The following TPPP2 variants were observed in gnomAD, a reference collection of about 807,000 sequenced individuals.
The protein encoded by TPPP2 is tubulin polymerization-promoting protein family member 2.
A neutral mutation model predicts 13.0 loss-of-function variants in TPPP2; 8 were observed. That is an observed-to-expected ratio of 0.62 (90% CI 0.36 to 1.11). TPPP2 has a LOEUF of 1.11. Ranked by LOEUF, TPPP2 falls within the 50% of genes most tolerant of loss-of-function variation. The pLI, the probability that TPPP2 is intolerant of heterozygous loss-of-function variation, is 0.02. For missense variants in TPPP2, 213 were observed against 216.9 expected (o/e 0.98, Z 0.11); for synonymous variants, 81 against 81.8 (o/e 0.99, Z 0.05).
In TPPP2 at chr14:21,032,093, C is replaced by T. The variant is rs762751285; in HGVS notation, c.*16C>T. The T allele has an allele frequency of 6.2e-7, 1 of 1,608,144 alleles. No individual in the cohort carries two copies. The highest frequency in any genetic ancestry group is 1.7e-5 in the Admixed American group (1 of 59,922). On this transcript the variant is annotated 3_prime_UTR_variant, in exon 4 of 4. Coordinates refer to ENST00000321760, the MANE Select transcript of TPPP2 (RefSeq NM_173846.5). ...GACCAAGTAGAGAGGAGCTTCATCT[C>T]AGCCTGCTAGCCCCCTGACCCTGCA...
chr14:21,033,353 C>T (rs2139087719), downstream of TPPP2: 1 of 281,040 alleles, frequency 3.6e-6, no homozygotes, highest in South Asian at 3.6e-5. Context: ...TAGCCATATC[C>T]CCTGAGTAGG....
upstream of TPPP2, chr14:21,028,569 G>C (rs1457387346): frequency 6.6e-6 from 1 of 152,152 alleles, no homozygotes; most frequent in Non-Finnish European, 1.5e-5. Flanking sequence ...TTGGGGCCTA[G>C]TTAGTTGTAT....
At chr14:21,029,935 C>A (rs576211388), upstream of TPPP2, among the ~76,000 whole-genome samples, 1 of 152,282 alleles carries the variant, frequency 6.6e-6, no homozygotes, top group South Asian at 2.1e-4. Context: ...GCAGCCCAAA[C>A]AGACTACAAC....
upstream of TPPP2, chr14:21,028,472 C>T (rs917387496): frequency 3.9e-5 from 6 of 151,976 alleles, no homozygotes; most frequent in African/African-American, 1.5e-4. Context: ...TGTTGGCCTC[C>T]CAAAGTGCTG....
upstream of TPPP2, chr14:21,029,320 G>A (rs1452529076): frequency 2.6e-5 from 4 of 152,206 alleles, no homozygotes; most frequent in African/African-American, 2.4e-5. Flanking sequence ...CTAACTCCCG[G>A]CTGGACGCAG....
At position 21,030,514 on chromosome 14, in the gene TPPP2, C is replaced by G; in HGVS notation, c.-68C>G. On this transcript the variant is annotated splice_region_variant and 5_prime_UTR_variant, in exon 2 of 4. Coordinates refer to ENST00000321760, the MANE Select transcript of TPPP2 (RefSeq NM_173846.5). ...ACACTCATCCTCATTACTCCACAGT[C>G]CTCCCTCCCCCTTCTCCTTCACCCC... 3.3e-6 allele frequency: 5 copies of G among 1,494,874 alleles called. No homozygotes were observed. Among genetic ancestry groups the G allele is most frequent in the Non-Finnish European group, 3.7e-6 (4 of 1,095,186 alleles). The allele number at this position is 1,494,874 out of a possible 1,614,324, so 92.6% of individuals were successfully genotyped here. A position where few individuals can be genotyped will look rare whatever the true frequency, so the allele number is the denominator to read the frequency against.
At chr14:21,027,909 A>G (rs1883805796), upstream of TPPP2, among the ~76,000 whole-genome samples, 2 of 152,218 alleles carry the variant, frequency 1.3e-5, no homozygotes, top group South Asian at 4.1e-4. Context: ...CAGAGAGAGC[A>G]TGAAGGACAG....
chr14:21,030,697 T>C lies in TPPP2; in HGVS notation c.116T>C (p.Ile39Thr), dbSNP rs528904991. Residue 39 changes from isoleucine to threonine, a missense_variant, in exon 2 of 4, where the codon ATC (isoleucine) becomes ACC (threonine). Transcript: ENST00000321760. ...NFSKLCKDCG[I>T]MDGKTVTSTD... is the part of the protein sequence containing the mutation. ...TCCAAGCTGTGCAAAGACTGTGGCA[T>C]CATGGATGGCAAGACAGTCACCTCC... is the stretch of plus-strand genomic sequence containing the variant. 6.9e-5 allele frequency: 112 copies of C among 1,614,184 alleles called. 1 individual carries two copies. In the South Asian group the frequency reaches 1.2e-3, roughly 17 times the overall value.
chr14:21,030,856 C>A (rs780896886), intron 2 of TPPP2, 102 bp downstream of exon 2: 20 of 1,513,456 alleles, frequency 1.3e-5, no homozygotes, highest in Non-Finnish European at 1.7e-5. Context: ...GCCTACCAAG[C>A]ACCACAGGGT....
chr14:21,033,968 G>T (rs776043349), downstream of TPPP2: 2 of 1,614,026 alleles, frequency 1.2e-6, no homozygotes, highest in South Asian at 1.1e-5. Flanking sequence ...CCGTGATGGG[G>T]AGGGAATCCT....
At position 21,031,132 on chromosome 14, in the gene TPPP2, G is replaced by A. The variant is rs1381648425; in HGVS notation, c.294G>A (p.Met98Ile). The change falls in exon 3 of 4, where the codon ATG becomes ATA. Residue 98 changes from methionine (M) to isoleucine (I), a missense_variant. Coordinates refer to ENST00000321760, the MANE Select transcript of TPPP2 (RefSeq NM_173846.5). ...TCCTGGAGAACATTTATGGACTCAT[G>A]GAGGGCAAAGACCCAGCCACCACTG... ...DEVLENIYGL[M>I]EGKDPATTGA... is the part of the protein sequence containing the mutation. The A allele has an allele frequency of 6.2e-7, 1 of 1,614,122 alleles. No homozygotes were observed. Among genetic ancestry groups the A allele is most frequent in the South Asian group, 1.1e-5 (1 of 91,074 alleles).
rs1884312142 is a variant in TPPP2, at chr14:21,032,765, G to A, written c.*688G>A. On this transcript the variant is annotated 3_prime_UTR_variant, in exon 4 of 4. Coordinates refer to ENST00000321760, the MANE Select transcript of TPPP2 (RefSeq NM_173846.5). ...GAGGCAGGCTGCCAGGATTCCAAGA[G>A]CAGGAGTTCTGGTGCACTGAAGAAA... 1.6e-5 allele frequency: 6 copies of A among 366,526 alleles called. No homozygotes were observed. Among genetic ancestry groups the A allele is most frequent in the Non-Finnish European group, 2.1e-5 (4 of 188,676 alleles). The allele number at this position is 366,526 out of a possible 1,614,324, so 22.7% of individuals were successfully genotyped here.
chr14:21,026,684 A>C (rs1363199293), upstream of TPPP2, among the ~76,000 whole-genome samples: 1 of 151,900 alleles, frequency 6.6e-6, no homozygotes, highest in Non-Finnish European at 1.5e-5. Flanking sequence ...AAATCTAAGG[A>C]GCTCCCCCTA....
chr14:21,032,447 A>T lies in TPPP2; in HGVS notation c.*370A>T, dbSNP rs887284824. ...CACCTCTCCACCCCCACCCCTCAAA[A>T]GGGTGTAGCAATTCCTCACGTGATG... On this transcript the variant is annotated 3_prime_UTR_variant, in exon 4 of 4. Transcript: ENST00000321760. The T allele has an allele frequency of 1.5e-5, 6 of 406,406 alleles. No individual in the cohort carries two copies. The highest frequency in any genetic ancestry group is 2.9e-5 in the Non-Finnish European group (6 of 205,114). The allele number at this position is 406,406 out of a possible 1,614,324, so 25.2% of individuals were successfully genotyped here. A position where few individuals can be genotyped will look rare whatever the true frequency, so the allele number is the denominator to read the frequency against.
upstream of TPPP2, chr14:21,025,802 A>T: frequency 1.5e-3 from 515 of 344,156 alleles, no homozygotes; most frequent in Middle Eastern, 3.1e-3. This position sits in a 1 kb window ranked among gnomAD's most constrained non-coding sequence, Gnocchi z 5.1. Flanking sequence ...GATCGCGGGC[A>T]GGCGGGGGGT....
downstream of TPPP2, among the ~76,000 whole-genome samples, chr14:21,035,091 C>T (rs758768552): frequency 2.0e-5 from 3 of 152,236 alleles, no homozygotes; most frequent in Admixed American, 6.5e-5. Flanking sequence ...ATCCCACTCA[C>T]GGGAGCCCAG....
chr14:21,030,743 C>G lies in TPPP2; in HGVS notation c.162C>G (p.Phe54Leu). The G allele has an allele frequency of 6.2e-7, 1 of 1,613,910 alleles. No individual in the cohort carries two copies. The highest frequency in any genetic ancestry group is 8.5e-7 in the Non-Finnish European group (1 of 1,179,916). Reference protein sequence around the residue: ...TVTSTDVDIVFSKVKAKNART... With the variant: ...TVTSTDVDIVLSKVKAKNART... The stretch of plus-strand genomic sequence containing the variant: ...CCTCCACGGACGTGGACATCGTGTT[C>G]AGCAAAGTCAAGTGAGGAGCCAAAA... The change falls in exon 2 of 4, where the codon TTC becomes TTG. Residue 54 changes from phenylalanine (F) to leucine (L), a missense_variant. By Grantham distance (22) the Phe-to-Leu change is conservative. Transcript: ENST00000321760.
At chr14:21,025,554 C>G (rs1019367577), upstream of TPPP2, 2 of 985,270 alleles carry the variant, frequency 2.0e-6, no homozygotes, top group African/African-American at 3.5e-5. The surrounding 1 kb of genome is among the most constrained non-coding windows in gnomAD (Gnocchi z 5.1). Context: ...TGGGCGGGAC[C>G]GCCGCTGAGG....
At chr14:21,025,712 C>G, upstream of TPPP2, 1 of 985,094 alleles carries the variant, frequency 1.0e-6, no homozygotes, top group African/African-American at 1.7e-5. This position sits in a 1 kb window ranked among gnomAD's most constrained non-coding sequence, Gnocchi z 5.1. Context: ...CGCCTGCTCT[C>G]CGGCTGCTCC....
Sources: gnomAD v4.1 joint callset for allele counts (sites outside exome capture counted in the v4.1 genomes callset) on GRCh38, gnomAD v4.1.1 for gene constraint, Gnocchi (gnomAD v3.1) non-coding constraint, MANE v1.5 for transcripts, NCBI Gene and HGNC (gene_info 2026-07-23, HGNC 2026-07-21) for gene names.